Variants in FAT3 observed in about 807,000 individuals in gnomAD.
The protein encoded by FAT3 is FAT atypical cadherin 3, also known as protocadherin Fat 3.
FAT3 carries 95 observed loss-of-function variants against 310.2 expected under a neutral mutation model. That is an observed-to-expected ratio of 0.31 (90% confidence interval 0.26 to 0.36). The LOEUF is 0.36. Ranked by LOEUF, FAT3 falls within the 10% of genes least tolerant of loss-of-function variation. The pLI is 1.00. For missense variants in FAT3, 5,408 were observed against 5,715.6 expected (o/e 0.95, Z 1.74); for synonymous variants, 2,314 against 2,192.9 (o/e 1.06, Z -1.54).
chr11:92,621,614 A>C (rs1344730924), intron 3 of FAT3, among the ~76,000 whole-genome samples: 2 of 152,282 alleles, frequency 1.3e-5, no homozygotes, highest in Admixed American at 6.5e-5. Context: ...CATGCAGCTC[A>C]TGGCCATCTT....
At position 92,757,554 on chromosome 11, in the gene FAT3, C is replaced by A. The variant is rs184239592; in HGVS notation, c.3670-4302C>A. On this transcript the variant is annotated intron_variant, in intron 4 of 27. Coordinates refer to ENST00000525166, the MANE Select transcript of FAT3 (RefSeq NM_001367949.2). ...ATTCGAAGGGAGGTTTCAGGCCTAACGTATTATGAAGTCTGAAGTCTGAGA... is the reference window on the plus strand; with the variant it reads ...ATTCGAAGGGAGGTTTCAGGCCTAAAGTATTATGAAGTCTGAAGTCTGAGA... Among the ~76,000 whole-genome samples the A allele has an allele frequency of 2.0e-3, 310 of 152,168 alleles. 5 individuals are homozygous for A. The highest frequency in any genetic ancestry group is 7.1e-3 in the African/African-American group (293 of 41,524).
rs1950454115 is a variant in FAT3, at chr11:92,418,064, C to G, written c.3292+62660C>G. ...ATTGGGAATGTGAACTTAAGCAAGT[C>G]ACTTGTTGAAGTCCCACTTGCCTCT... is the stretch of plus-strand genomic sequence containing the variant. On this transcript the variant is annotated intron_variant, in intron 2 of 27. Coordinates refer to ENST00000525166, the MANE Select transcript of FAT3 (RefSeq NM_001367949.2). 2.0e-5 allele frequency among the ~76,000 whole-genome samples: 3 copies of G among 152,130 alleles called. No homozygotes were observed. The South Asian group carries it at 6.2e-4, about 32-fold the overall frequency.
intron 3 of FAT3, among the ~76,000 whole-genome samples, chr11:92,649,515 G>C (rs1476791977): frequency 6.6e-6 from 1 of 152,090 alleles, no homozygotes; most frequent in Non-Finnish European, 1.5e-5. Flanking sequence ...TTGAGGACTT[G>C]TTCCTTATCA....
Position 92,469,536 on chromosome 11 carries a change from A to T in FAT3, c.3293-55098A>T, listed in dbSNP as rs1209021178. ...TAATTTGTGATTTTTTTTTTTTGAG[A>T]TGGAATCTCACCCTGTCACCCAGGC... is the stretch of plus-strand genomic sequence containing the variant. On this transcript the variant is annotated intron_variant, in intron 2 of 27. Coordinates refer to ENST00000525166, the MANE Select transcript of FAT3 (RefSeq NM_001367949.2). 2.7e-5 allele frequency among the ~76,000 whole-genome samples: 4 copies of T among 150,472 alleles called. 1 individual carries two copies. The highest frequency in any genetic ancestry group is 4.2e-4 in the South Asian group (2 of 4,806).
At chr11:92,836,278 C>G (rs780486951) in intron 15 of FAT3, among the ~76,000 whole-genome samples, 3 of 152,150 alleles carry the variant, frequency 2.0e-5, no homozygotes, top group East Asian at 1.9e-4. Flanking sequence ...GCTTTGGGCT[C>G]TAACCATACT....
At chr11:92,492,338 T>C (rs1465270938) in intron 2 of FAT3, among the ~76,000 whole-genome samples, 1 of 151,986 alleles carries the variant, frequency 6.6e-6, no homozygotes, top group Non-Finnish European at 1.5e-5. Flanking sequence ...TGAGTTTGAG[T>C]CCTGGCTTTA....
intron 2 of FAT3, among the ~76,000 whole-genome samples, chr11:92,471,624 G>C (rs1456891722): frequency 6.6e-6 from 1 of 152,006 alleles, no homozygotes; most frequent in African/African-American, 2.4e-5. Context: ...AACTTTGGAG[G>C]ACAACTTAGC....
At chr11:92,775,286 G>A (rs1034394294) in intron 7 of FAT3, among the ~76,000 whole-genome samples, 2 of 152,200 alleles carry the variant, frequency 1.3e-5, no homozygotes, top group Non-Finnish European at 2.9e-5. Context: ...ATAAAGGAGA[G>A]AGGATGAATA....
rs564366212 is a variant in FAT3 at position 92,391,167 on chromosome 11, C to T, written c.3292+35763C>T. 4.6e-5 allele frequency among the ~76,000 whole-genome samples: 7 copies of T among 152,304 alleles called. No individual in the cohort carries two copies. In the South Asian group the frequency reaches 1.4e-3, roughly 32 times the overall value. On this transcript the variant is annotated intron_variant, in intron 2 of 27. Coordinates refer to ENST00000525166, the MANE Select transcript of FAT3 (RefSeq NM_001367949.2). ...GATTTGATTTTATATCCATGTGAGA[C>T]AAAATTGTGTGCTTGTTCAAACCTT...
chr11:92,262,958 G>A (rs1009889719), intron 1 of FAT3, among the ~76,000 whole-genome samples: 4 of 151,854 alleles, frequency 2.6e-5, no homozygotes, highest in South Asian at 2.1e-4. Flanking sequence ...CTTTAGCCCC[G>A]GTTCCCTCAT....
intron 2 of FAT3, among the ~76,000 whole-genome samples, chr11:92,404,732 G>T (rs1389104392): frequency 6.6e-6 from 1 of 151,870 alleles, no homozygotes; most frequent in Non-Finnish European, 1.5e-5. Flanking sequence ...AATAGCATTT[G>T]ATTCAGTAGA....
At chr11:92,413,141 C>G (rs533684163) in intron 2 of FAT3, among the ~76,000 whole-genome samples, 1 of 152,206 alleles carries the variant, frequency 6.6e-6, no homozygotes, top group East Asian at 1.9e-4. Context: ...CTTACAGTTT[C>G]CATAATTTTG....
intron 4 of FAT3, among the ~76,000 whole-genome samples, chr11:92,705,578 A>T (rs1242389936): frequency 1.7e-3 from 4 of 2,302 alleles, no homozygotes; most frequent in East Asian, 0.023. Context: ...GGTGGTGGTG[A>T]TGGTGGTGGT....
chr11:92,509,381 A>G (rs891041327), intron 2 of FAT3, among the ~76,000 whole-genome samples: 4 of 152,208 alleles, frequency 2.6e-5, no homozygotes, highest in Admixed American at 6.5e-5. Flanking sequence ...AATTGAAAAA[A>G]GATAGGGATA....
chr11:92,612,062 C>A (rs1234573003), intron 3 of FAT3, among the ~76,000 whole-genome samples: 2 of 152,168 alleles, frequency 1.3e-5, no homozygotes, highest in Non-Finnish European at 2.9e-5. Context: ...TAGTACTAGG[C>A]ACATTGGGAA....
At chr11:92,834,619 T>A (rs1251012392) in intron 14 of FAT3, among the ~76,000 whole-genome samples, 4 of 152,232 alleles carry the variant, frequency 2.6e-5, no homozygotes, top group Non-Finnish European at 5.9e-5. Context: ...GCCTGAGAGA[T>A]GTTCATAAAC....
intron 3 of FAT3, among the ~76,000 whole-genome samples, chr11:92,608,740 A>ATAATAATAATAATAATAATAATAATAC (rs1277897627): frequency 7.9e-5 from 12 of 151,298 alleles, no homozygotes; most frequent in African/African-American, 2.9e-4. Context: ...AATAATAATA[A>ATAATAATAATAATAATAATAATAATAC]TAATACTCCT....
In FAT3 at chr11:92,491,880, C is replaced by T. The variant is rs561779220; in HGVS notation, c.3293-32754C>T. On this transcript the variant is annotated intron_variant, in intron 2 of 27. Coordinates refer to ENST00000525166, the MANE Select transcript of FAT3 (RefSeq NM_001367949.2). The stretch of plus-strand genomic sequence containing the variant: ...CCTGTGCTTATTTTCTTTCAGTGGG[C>T]ACCTATAAGGATTGAACCACAGGAA... Among the ~76,000 whole-genome samples, 3 of 152,102 alleles carry T rather than the reference C, an allele frequency of 2.0e-5. No individual in the cohort carries two copies. The South Asian group carries it at 6.2e-4, about 32-fold the overall frequency.
chr11:92,304,672 G>A (rs1487692336), intron 1 of FAT3, among the ~76,000 whole-genome samples: 1 of 152,250 alleles, frequency 6.6e-6, no homozygotes, highest in East Asian at 1.9e-4. Context: ...TCTTTGATGT[G>A]TGAAAGTTAA....
Sources: gnomAD v4.1 joint callset for allele counts (sites outside exome capture counted in the v4.1 genomes callset) on GRCh38, gnomAD v4.1.1 for gene constraint, MANE v1.5 for transcripts, NCBI Gene and HGNC (gene_info 2026-07-23, HGNC 2026-07-21) for gene names.